Variants in WWOX observed in about 807,000 individuals in gnomAD.
WWOX encodes the protein WW domain containing oxidoreductase, also known as WW domain-containing oxidoreductase.
WWOX carries 69 observed loss-of-function variants against 46.2 expected under a neutral mutation model. That is an observed-to-expected ratio of 1.49 (90% confidence interval 1.23 to 1.82). The LOEUF (loss-of-function observed/expected upper bound fraction) is 1.82. Among genes scored for constraint, WWOX ranks in the 40% most tolerant of loss-of-function variants. The pLI is 0.00. For synonymous variants in WWOX, 359 were observed against 202.6 expected (o/e 1.77, Z -6.56); for missense variants, 919 against 542.6 (o/e 1.69, Z -6.89).
intron 7 of WWOX, among the ~76,000 whole-genome samples, chr16:78,425,698 A>G (rs2083059518): frequency 6.6e-6 from 1 of 152,290 alleles, no homozygotes; most frequent in East Asian, 1.9e-4. Flanking sequence ...AGAAACAACT[A>G]TTTGTCTAGA....
At chr16:78,578,426 A>G (rs577779292) in intron 8 of WWOX, among the ~76,000 whole-genome samples, 3 of 148,568 alleles carry the variant, frequency 2.0e-5, no homozygotes, top group African/African-American at 7.4e-5. Flanking sequence ...AGTAGCTGGC[A>G]CTATAGGCGC....
intron 8 of WWOX, among the ~76,000 whole-genome samples, chr16:78,529,338 T>C (rs2043562869): frequency 1.3e-5 from 2 of 152,184 alleles, no homozygotes; most frequent in African/African-American, 4.8e-5. Context: ...CATAACCTCA[T>C]AGAAGTGAGC....
chr16:78,532,608 CAAAAG>C (rs2043649209), intron 8 of WWOX, among the ~76,000 whole-genome samples: 1 of 152,094 alleles, frequency 6.6e-6, no homozygotes, highest in Admixed American at 6.6e-5. Flanking sequence ...AGGTCATTTA[CAAAAG>C]AAAAAGGTTT....
At chr16:78,370,688 A>G (rs1256241252) in intron 5 of WWOX, among the ~76,000 whole-genome samples, 1 of 149,196 alleles carries the variant, frequency 6.7e-6, no homozygotes, top group African/African-American at 2.5e-5. Context: ...CTTATAACTG[A>G]TTATTTTTCT....
chr16:78,204,650 C>A (rs1394473204), intron 5 of WWOX, among the ~76,000 whole-genome samples: 1 of 152,130 alleles, frequency 6.6e-6, no homozygotes, highest in Admixed American at 6.5e-5. Context: ...GAAACACAAT[C>A]TTAGATGCAT....
At chr16:78,769,883 A>G (rs1329790733) in intron 8 of WWOX, among the ~76,000 whole-genome samples, 1 of 151,800 alleles carries the variant, frequency 6.6e-6, no homozygotes, top group African/African-American at 2.4e-5. Flanking sequence ...AAATAAAAAT[A>G]AATAAAAAGT....
intron 8 of WWOX, among the ~76,000 whole-genome samples, chr16:78,481,731 G>GTGTGTGTC (rs1555547246): frequency 1.5e-5 from 2 of 133,036 alleles, no homozygotes; most frequent in African/African-American, 7.6e-5. Context: ...GGAAGTGTGT[G>GTGTGTGTC]TGTGTGTGTG....
At chr16:78,150,890 T>C (rs1382937746) in intron 4 of WWOX, among the ~76,000 whole-genome samples, 1 of 152,158 alleles carries the variant, frequency 6.6e-6, no homozygotes, top group African/African-American at 2.4e-5. Flanking sequence ...TTTTTGTTTT[T>C]TTAGACAGGG....
chr16:79,028,704 G>T (rs1011787457), intron 8 of WWOX, among the ~76,000 whole-genome samples: 4 of 151,724 alleles, frequency 2.6e-5, no homozygotes, highest in Admixed American at 2.0e-4. Flanking sequence ...AAAGCAAATT[G>T]AATAAATTTA....
intron 8 of WWOX, among the ~76,000 whole-genome samples, chr16:78,772,725 C>A (rs1296143208): frequency 6.6e-6 from 1 of 152,102 alleles, no homozygotes; most frequent in African/African-American, 2.4e-5. Flanking sequence ...GCTCAAAGAA[C>A]CTAGGTAAGT....
intron 5 of WWOX, chr16:78,166,884 C>G (rs1478080331): frequency 6.6e-6 from 1 of 152,244 alleles, no homozygotes; most frequent in Non-Finnish European, 1.5e-5. Flanking sequence ...TCTTGTTGCT[C>G]CAATTTCCAT....
rs138557451 is a variant in WWOX, at chr16:78,236,804, C to T, written c.516+72515C>T. Among the ~76,000 whole-genome samples, 512 of 152,184 alleles carry T rather than the reference C, an allele frequency of 3.4e-3. 7 individuals are homozygous for T. The highest frequency in any genetic ancestry group is 0.012 in the African/African-American group (486 of 41,530). ...ATATCTGTGTTCCTACGGCTGGGCC[C>T]GGTGGCTCACACCTGTAATCCCAGC... On this transcript the variant is annotated intron_variant, in intron 5 of 8. Coordinates refer to ENST00000566780, the MANE Select transcript of WWOX (RefSeq NM_016373.4).
rs1011039885 is a variant in WWOX, at chr16:78,777,122, A to G, written c.1056+344370A>G. Among the ~76,000 whole-genome samples, 11 of 152,316 alleles carry G rather than the reference A, an allele frequency of 7.2e-5. No individual in the cohort carries two copies. In the East Asian group the frequency reaches 2.1e-3, roughly 29 times the overall value. ...GAAAAGTTTCAGTGATTATTTTTTC[A>G]GAATCATTGTTTCTTGGTTTCTAGG... On this transcript the variant is annotated intron_variant, in intron 8 of 8. Coordinates refer to ENST00000566780, the MANE Select transcript of WWOX (RefSeq NM_016373.4).
At chr16:78,491,760 G>C (rs1349391999) in intron 8 of WWOX, among the ~76,000 whole-genome samples, 2 of 152,158 alleles carry the variant, frequency 1.3e-5, no homozygotes, top group African/African-American at 4.8e-5. Flanking sequence ...GATGGGAGCT[G>C]AATTTGAAAC....
At chr16:78,867,381 C>G (rs1010524789) in intron 8 of WWOX, among the ~76,000 whole-genome samples, 5 of 152,072 alleles carry the variant, frequency 3.3e-5, no homozygotes, top group Admixed American at 1.3e-4. Context: ...TAGGCACAAT[C>G]TTTTACACAT....
At chr16:78,184,400 T>C (rs2035629989) in intron 5 of WWOX, among the ~76,000 whole-genome samples, 1 of 152,160 alleles carries the variant, frequency 6.6e-6, no homozygotes, top group Admixed American at 6.5e-5. Context: ...ACATTCACCT[T>C]TGCCAGGACC....
At chr16:78,527,711 T>C (rs369573215) in intron 8 of WWOX, among the ~76,000 whole-genome samples, 8 of 53,588 alleles carry the variant, frequency 1.5e-4, no homozygotes, top group African/African-American at 3.2e-4. Flanking sequence ...TTAATCTTTA[T>C]GGTAGCCTCA....
rs1597315924 is a variant in WWOX at position 79,041,385 on chromosome 16, A to G, written c.1057-170223A>G. ...CTTGCTGGAATGCCCATTCCCTGATATAAGGATTCCACCCACCACGCCCCT... is the reference window on the plus strand; with the variant it reads ...CTTGCTGGAATGCCCATTCCCTGATGTAAGGATTCCACCCACCACGCCCCT... On this transcript the variant is annotated intron_variant, in intron 8 of 8. Transcript: ENST00000566780. Among the ~76,000 whole-genome samples, 5 of 152,182 alleles carry G rather than the reference A, an allele frequency of 3.3e-5. 1 individual carries two copies.
At chr16:78,998,784 G>T (rs771880568) in intron 8 of WWOX, among the ~76,000 whole-genome samples, 28 of 152,206 alleles carry the variant, frequency 1.8e-4, no homozygotes, top group Admixed American at 3.3e-4. Flanking sequence ...TCTTGAAAGT[G>T]CCAGTCTGAT....
Sources: allele counts gnomAD v4.1 joint callset (sites outside exome capture counted in the v4.1 genomes callset), GRCh38; gene constraint gnomAD v4.1.1; transcripts MANE v1.5; gene names NCBI Gene and HGNC (gene_info 2026-07-23, HGNC 2026-07-21).